The following SESTD1 variants were observed in gnomAD, a reference collection of about 807,000 sequenced individuals.
The protein encoded by SESTD1 is SEC14 and spectrin domain containing 1, also known as SEC14 domain and spectrin repeat-containing protein 1.
Under a neutral mutation model 101.7 loss-of-function variants are expected in SESTD1, and 43 were observed. The observed-to-expected ratio is 0.42, with a 90% CI of 0.33 to 0.55. The LOEUF (loss-of-function observed/expected upper bound fraction) is 0.55. SESTD1 is among the 20% of genes least tolerant of loss of function. The pLI, the probability that SESTD1 is intolerant of heterozygous loss-of-function variation, is 0.07. For synonymous variants in SESTD1, 283 were observed against 286.8 expected (o/e 0.99, Z 0.13); for missense variants, 647 against 815.1 (o/e 0.79, Z 2.51).
chr2:179,111,566 T>G (rs747890283), intron 17 of SESTD1, among the ~76,000 whole-genome samples: 2 of 152,214 alleles, frequency 1.3e-5, no homozygotes, highest in South Asian at 4.1e-4. Context: ...GTGCACAGAC[T>G]CATCACACTA....
intron 1 of SESTD1, among the ~76,000 whole-genome samples, chr2:179,221,759 A>T (rs1308166764): frequency 6.6e-6 from 1 of 151,840 alleles, no homozygotes; most frequent in African/African-American, 2.4e-5. Flanking sequence ...CTCCACAAAA[A>T]ATAAAAAAAT....
rs1340346721 is a variant in SESTD1 at position 179,212,407 on chromosome 2, C to G, written c.-25-20541G>C. On this transcript the variant is annotated intron_variant, in intron 1 of 17. Transcript: ENST00000428443. The stretch of plus-strand genomic sequence containing the variant: ...GCTTGCTCACTGCTAGCGCAGCAAT[C>G]TGAGATCAAACTGTGAGGCAGCAGC... 2.2e-5 allele frequency among the ~76,000 whole-genome samples: 3 copies of G among 136,610 alleles called. 1 individual carries two copies. The highest frequency in any genetic ancestry group is 4.8e-5 in the Non-Finnish European group (3 of 63,144). The allele number at this position is 136,610 out of a possible 152,430, so 89.6% of individuals were successfully genotyped here. A position where few individuals can be genotyped will look rare whatever the true frequency, so the allele number is the denominator to read the frequency against.
intron 10 of SESTD1, among the ~76,000 whole-genome samples, chr2:179,127,254 T>C (rs1356213435): frequency 1.3e-5 from 2 of 152,194 alleles, no homozygotes; most frequent in Non-Finnish European, 2.9e-5. Flanking sequence ...GAATTGCCCT[T>C]TGTTTGGATT....
intron 10 of SESTD1, among the ~76,000 whole-genome samples, chr2:179,126,172 T>C (rs1178896191): frequency 6.6e-6 from 1 of 152,236 alleles, no homozygotes; most frequent in Non-Finnish European, 1.5e-5. Flanking sequence ...GAGTTCTCTG[T>C]ATTTACTCTT....
At chr2:179,163,874 G>C (rs1342014790) in intron 5 of SESTD1, among the ~76,000 whole-genome samples, 1 of 152,084 alleles carries the variant, frequency 6.6e-6, no homozygotes, top group Non-Finnish European at 1.5e-5. Flanking sequence ...TTAACTTGCA[G>C]AAAGATTAAA....
chr2:179,124,800 A>G (rs2044832932), intron 10 of SESTD1, among the ~76,000 whole-genome samples: 1 of 152,104 alleles, frequency 6.6e-6, no homozygotes, highest in Non-Finnish European at 1.5e-5. Context: ...TCACCCCTGC[A>G]GCCTTCTCAA....
chr2:179,250,429 A>G (rs2047299085), intron 1 of SESTD1, among the ~76,000 whole-genome samples: 1 of 152,236 alleles, frequency 6.6e-6, no homozygotes, highest in Non-Finnish European at 1.5e-5. Context: ...CAATCATAAC[A>G]AAATACTACA....
chr2:179,139,185 C>T (rs1253949933), intron 9 of SESTD1, among the ~76,000 whole-genome samples: 1 of 152,132 alleles, frequency 6.6e-6, no homozygotes, highest in East Asian at 1.9e-4. Flanking sequence ...TTTCACTCTT[C>T]GATTCCCCAC....
At chr2:179,150,926 C>T (rs954501348) in intron 6 of SESTD1, among the ~76,000 whole-genome samples, 1 of 152,142 alleles carries the variant, frequency 6.6e-6, no homozygotes, top group African/African-American at 2.4e-5. Flanking sequence ...TTATACAGTG[C>T]CACTATATCA....
intron 1 of SESTD1, among the ~76,000 whole-genome samples, chr2:179,194,844 A>G (rs994889665): frequency 6.6e-6 from 1 of 152,206 alleles, no homozygotes; most frequent in Non-Finnish European, 1.5e-5. Flanking sequence ...ATGAACCCCC[A>G]GAGCCCAGAA....
rs993649496 is a variant in SESTD1, at chr2:179,103,610, A to G, written c.*6289T>C. 1 of 152,152 alleles carries G rather than the reference A, an allele frequency of 6.6e-6. No individual in the cohort carries two copies. The highest frequency in any genetic ancestry group is 1.5e-5 in the Non-Finnish European group (1 of 68,020). 9.4% of individuals were successfully genotyped at this position (152,152 alleles called of 1,614,324 possible). On this transcript the variant is annotated 3_prime_UTR_variant, in exon 18 of 18. Transcript: ENST00000428443. ...CAGTGGAATACTACTCAGCAATAAA[A>G]AAGAACAGCAATAAAAAAATGAAGC...
At chr2:179,112,012 C>A (rs564948549) in intron 17 of SESTD1, among the ~76,000 whole-genome samples, 8 of 152,212 alleles carry the variant, frequency 5.3e-5, no homozygotes, top group Non-Finnish European at 1.2e-4. Context: ...AGCCACCACG[C>A]CCGGCTGAAG....
Position 179,201,828 on chromosome 2 carries a change from A to G in SESTD1, c.-25-9962T>C, listed in dbSNP as rs1357583338. Among the ~76,000 whole-genome samples the G allele has an allele frequency of 4.6e-5, 6 of 130,370 alleles. 1 individual carries two copies. The highest frequency in any genetic ancestry group is 8.1e-5 in the Non-Finnish European group (5 of 61,574). 85.5% of individuals were successfully genotyped at this position (130,370 alleles called of 152,430 possible). ...TGGGCAACATACCTAATGCTAGATGATGAGTTAGTGGGTGCAGCGCACCAG... is the reference window on the plus strand; with the variant it reads ...TGGGCAACATACCTAATGCTAGATGGTGAGTTAGTGGGTGCAGCGCACCAG... On this transcript the variant is annotated intron_variant, in intron 1 of 17. Coordinates refer to ENST00000428443, the MANE Select transcript of SESTD1 (RefSeq NM_178123.5).
Position 179,133,180 on chromosome 2 carries a change from A to G in SESTD1, c.850-754T>C, listed in dbSNP as rs540904876. Among the ~76,000 whole-genome samples, 3 of 152,178 alleles carry G rather than the reference A, an allele frequency of 2.0e-5. No homozygotes were observed. In the East Asian group the frequency reaches 5.8e-4, roughly 29 times the overall value. On this transcript the variant is annotated intron_variant, in intron 9 of 17. Transcript: ENST00000428443. ...CTTCAGCTGAGTCCCTCAAGCAGGT[A>G]TAAGGAGATGAGATCAGTATGGGGC...
chr2:179,181,016 T>G (rs2046097928), intron 3 of SESTD1, among the ~76,000 whole-genome samples: 1 of 152,208 alleles, frequency 6.6e-6, no homozygotes, highest in South Asian at 2.1e-4. Flanking sequence ...CTTGCTAGAA[T>G]GAGTTCTTTC....
chr2:179,111,386 A>T (rs1206907975), intron 17 of SESTD1, among the ~76,000 whole-genome samples: 1 of 152,176 alleles, frequency 6.6e-6, no homozygotes, highest in African/African-American at 2.4e-5. Context: ...GATCTGTTTT[A>T]AGTACTTTAT....
chr2:179,106,505 T>C lies in SESTD1; in HGVS notation c.*3394A>G, dbSNP rs771759998. 1 of 152,202 alleles carries C rather than the reference T, an allele frequency of 6.6e-6. No individual in the cohort carries two copies. Among genetic ancestry groups the C allele is most frequent in the Non-Finnish European group, 1.5e-5 (1 of 68,034 alleles). 9.4% of individuals were successfully genotyped at this position (152,202 alleles called of 1,614,324 possible). A position where few individuals can be genotyped will look rare whatever the true frequency, so the allele number is the denominator to read the frequency against. ...GTAACAATGGGTTTAGATCAGAGTA[T>C]GGTTTACTCATCACTGTTAGTAAGG... is the stretch of plus-strand genomic sequence containing the variant. On this transcript the variant is annotated 3_prime_UTR_variant, in exon 18 of 18. Coordinates refer to ENST00000428443, the MANE Select transcript of SESTD1 (RefSeq NM_178123.5).
chr2:179,170,642 T>C (rs1054680746), intron 5 of SESTD1, among the ~76,000 whole-genome samples: 1 of 152,108 alleles, frequency 6.6e-6, no homozygotes, highest in African/African-American at 2.4e-5. Flanking sequence ...GTAAGATGAG[T>C]GGTGGCTGTG....
intron 1 of SESTD1, among the ~76,000 whole-genome samples, chr2:179,228,620 C>T (rs1171748020): frequency 6.6e-6 from 1 of 152,086 alleles, no homozygotes; most frequent in Admixed American, 6.6e-5. Context: ...ACTCTGGTTT[C>T]AGTAGGGAAA....
Sources: allele counts gnomAD v4.1 joint callset (sites outside exome capture counted in the v4.1 genomes callset), GRCh38; gene constraint gnomAD v4.1.1; transcripts MANE v1.5; gene names NCBI Gene and HGNC (gene_info 2026-07-23, HGNC 2026-07-21).